The following ESYT1 variants were observed in gnomAD, a reference collection of about 807,000 sequenced individuals.
The protein encoded by ESYT1 is extended synaptotagmin 1.
ESYT1 carries 116 observed loss-of-function variants against 154.2 expected under a neutral mutation model. The observed-to-expected ratio is 0.75, with a 90% CI of 0.65 to 0.88. The LOEUF is 0.88. Among genes scored for constraint, ESYT1 ranks in the 40% least tolerant of loss-of-function variants. The probability of loss-of-function intolerance (pLI) is 0.00; values close to 1 mark genes in which losing one functional copy is unlikely to be tolerated. For synonymous variants in ESYT1, 500 were observed against 539.9 expected (o/e 0.93, Z 1.02); for missense variants, 1,264 against 1,379.3 (o/e 0.92, Z 1.32).
In ESYT1 at chr12:56,142,097, CAA is replaced by C. The variant is rs35837136; in HGVS notation, c.2593-175_2593-174del. Among the ~76,000 whole-genome samples, 25 of 122,276 alleles carry C rather than the reference CAA, an allele frequency of 2.0e-4. No individual in the cohort carries two copies. The highest frequency in any genetic ancestry group is 2.8e-4 in the Non-Finnish European group (16 of 57,276). The allele number at this position is 122,276 out of a possible 152,430, so 80.2% of individuals were successfully genotyped here. A position where few individuals can be genotyped will look rare whatever the true frequency, so the allele number is the denominator to read the frequency against. Reference sequence around the variant, plus strand: ...GGGCAACAAGAGCGAAACTCTGTCTCAAAAAAAAAAAAAAGGAAGGAAGGACA... The same window carrying C: ...GGGCAACAAGAGCGAAACTCTGTCTCAAAAAAAAAAAAGGAAGGAAGGACA... On this transcript the variant is annotated intron_variant, in intron 24 of 30. Transcript: ENST00000394048. The surrounding 1 kb of genome is among the most constrained non-coding windows in gnomAD (Gnocchi z 4.1).
At position 56,134,098 on chromosome 12, in the gene ESYT1, T is replaced by C. The variant is rs768730763; in HGVS notation, c.1474-12T>C. ...CCCCAAGATGGTGACCTCTGAATTG[T>C]ACCCACCACAGCTGAAGAAGGGGAA... On this transcript the variant is annotated splice_polypyrimidine_tract_variant and intron_variant, in intron 13 of 30. Coordinates refer to ENST00000394048, the MANE Select transcript of ESYT1 (RefSeq NM_015292.3). 2 of 1,613,938 alleles carry C rather than the reference T, an allele frequency of 1.2e-6. No homozygotes were observed. Among genetic ancestry groups the C allele is most frequent in the Admixed American group, 1.7e-5 (1 of 59,988 alleles).
At position 56,136,903 on chromosome 12, in the gene ESYT1, T is replaced by C. The variant is rs1213949797; in HGVS notation, c.1782+10T>C. 4 of 1,580,600 alleles carry C rather than the reference T, an allele frequency of 2.5e-6. No individual in the cohort carries two copies. Among genetic ancestry groups the C allele is most frequent in the African/African-American group, 2.7e-5 (2 of 73,708 alleles). On this transcript the variant is annotated intron_variant, in intron 16 of 30. Coordinates refer to ENST00000394048, the MANE Select transcript of ESYT1 (RefSeq NM_015292.3). The stretch of plus-strand genomic sequence containing the variant: ...GAAACTAGTCATGAGGGTATGGAAA[T>C]AGAGGAGGTACTGAGGTGTGGGGGA...
At position 56,144,604 on chromosome 12, in the gene ESYT1, C is replaced by T; in HGVS notation, c.*742C>T. On this transcript the variant is annotated 3_prime_UTR_variant, in exon 31 of 31. Transcript: ENST00000394048. ...GCTAACTCACTGACTAGAACTTAAT[C>T]TGGTACTTTACAGTTTTGCACCAAC... 3 of 985,464 alleles carry T rather than the reference C, an allele frequency of 3.0e-6. No homozygotes were observed. The highest frequency in any genetic ancestry group is 4.7e-5 in the South Asian group (1 of 21,290). The allele number at this position is 985,464 out of a possible 1,614,324, so 61.0% of individuals were successfully genotyped here.
chr12:56,138,386 C>T lies in ESYT1; in HGVS notation c.2338-18C>T. ...AGGTGTCAGTTACCACTCCCCAGCC[C>T]CGTGTGCCCCTCCACAGGTGCTGCA... is the stretch of plus-strand genomic sequence containing the variant. On this transcript the variant is annotated intron_variant, in intron 21 of 30. Transcript: ENST00000394048. The T allele has an allele frequency of 6.2e-7, 1 of 1,613,422 alleles. No individual in the cohort carries two copies. The highest frequency in any genetic ancestry group is 8.5e-7 in the Non-Finnish European group (1 of 1,179,594).
At position 56,137,867 on chromosome 12, in the gene ESYT1, G is replaced by A; in HGVS notation, c.2151G>A (p.Glu717=). The A allele has an allele frequency of 6.2e-7, 1 of 1,614,212 alleles. No homozygotes were observed. The highest frequency in any genetic ancestry group is 8.5e-7 in the Non-Finnish European group (1 of 1,180,034). The change falls in exon 19 of 31, where the codon GAG becomes GAA. Residue 717 remains glutamate, a synonymous_variant. Coordinates refer to ENST00000394048, the MANE Select transcript of ESYT1 (RefSeq NM_015292.3). ...IVTSVPGQEL[E]VEVFDKDLDK... is the part of the protein sequence containing the mutation. ...CATCAGTTCCAGGCCAAGAGCTAGA[G>A]GTTGAAGTCTTTGACAAGGACTTGG...
chr12:56,138,621 G>A, intron 22 of ESYT1, 122 bp downstream of exon 22: 2 of 1,286,980 alleles, frequency 1.6e-6, no homozygotes, highest in Non-Finnish European at 2.2e-6. Flanking sequence ...GGGTAGTGCA[G>A]GGGTGGGAAA....
Position 56,139,014 on chromosome 12 carries a change from G to A in ESYT1, c.2592+1G>A. On this transcript the variant is annotated splice_donor_variant, in intron 24 of 30. Transcript: ENST00000394048. LOFTEE classifies it high-confidence loss of function. ...ACACACTGAGAGCCTAGAGTTGCAG[G>A]TACTGTAAATTCATTCTTCAAATAT... 1 of 1,610,608 alleles carries A rather than the reference G, an allele frequency of 6.2e-7. No homozygotes were observed. Among genetic ancestry groups the A allele is most frequent in the Non-Finnish European group, 8.5e-7 (1 of 1,176,910 alleles).
chr12:56,130,268 C>T (rs1052917269), intron 1 of ESYT1: 5 of 456,808 alleles, frequency 1.1e-5, no homozygotes, highest in Non-Finnish European at 1.2e-5. Context: ...GACTGGACCT[C>T]CCCCTCCAGA....
rs763218653 is a variant in ESYT1, at chr12:56,136,841, A to G, written c.1730A>G (p.Gln577Arg). 3.7e-6 allele frequency: 6 copies of G among 1,612,548 alleles called. No homozygotes were observed. The highest frequency in any genetic ancestry group is 3.3e-4 in the Middle Eastern group (2 of 6,076). Reference sequence around the variant, plus strand: ...GAACTCATCCTGGACCAGTGGTTCCAGCTCAGCAGCTCTGGTCCAAACTCC... The same window carrying G: ...GAACTCATCCTGGACCAGTGGTTCCGGCTCAGCAGCTCTGGTCCAAACTCC... ...APELILDQWF[Q>R]LSSSGPNSRL... The change falls in exon 16 of 31, where the codon CAG becomes CGG. Residue 577 changes from glutamine (Q) to arginine (R), a missense_variant. Transcript: ENST00000394048.
At chr12:56,135,804 G>C (rs1221741895) in intron 15 of ESYT1, among the ~76,000 whole-genome samples, 1 of 151,390 alleles carries the variant, frequency 6.6e-6, no homozygotes, top group African/African-American at 2.4e-5. Context: ...AGGTAGAATT[G>C]CTTGAGTCCG....
chr12:56,129,882 C>G (rs1870160255), intron 1 of ESYT1, among the ~76,000 whole-genome samples: 1 of 152,132 alleles, frequency 6.6e-6, no homozygotes. Flanking sequence ...TCTAGAAGCC[C>G]CGTCTGAGGG....
Position 56,133,401 on chromosome 12 carries a change from C to T in ESYT1, c.1245-16C>T. On this transcript the variant is annotated splice_polypyrimidine_tract_variant and intron_variant, in intron 10 of 30. Coordinates refer to ENST00000394048, the MANE Select transcript of ESYT1 (RefSeq NM_015292.3). ...CTTTTCTTCCTTTCACTACCCTCTCCCCCGCCAACCCTCAGAATGAAGCTG... is the reference window on the plus strand; with the variant it reads ...CTTTTCTTCCTTTCACTACCCTCTCTCCCGCCAACCCTCAGAATGAAGCTG... The T allele has an allele frequency of 1.2e-6, 2 of 1,614,160 alleles. No homozygotes were observed. The highest frequency in any genetic ancestry group is 1.7e-6 in the Non-Finnish European group (2 of 1,180,026).
chr12:56,130,055 A>G (rs1870168469), intron 1 of ESYT1, among the ~76,000 whole-genome samples: 1 of 152,002 alleles, frequency 6.6e-6, no homozygotes, highest in South Asian at 2.1e-4. Context: ...CTGGGATTAC[A>G]GTCACGCGCC....
At chr12:56,129,348 T>C in intron 1 of ESYT1, 1 of 157,826 alleles carries the variant, frequency 6.3e-6, no homozygotes, top group South Asian at 1.7e-4. Flanking sequence ...CGGCGCACAC[T>C]CCCCCGCACT....
In ESYT1 at chr12:56,142,389, T is replaced by C. The variant is rs141601485; in HGVS notation, c.2697T>C (p.Ser899=). 1.1e-5 allele frequency: 18 copies of C among 1,613,890 alleles called. No homozygotes were observed. In the Middle Eastern group the frequency reaches 9.9e-4, roughly 89 times the overall value. Residue 899 remains serine (S), a synonymous_variant, in exon 25 of 31, where the codon AGT becomes AGC. Transcript: ENST00000394048. This position sits in a 1 kb window ranked among gnomAD's most constrained non-coding sequence, Gnocchi z 4.1. ...LCLDRWFTLS[S]GQGQVLLRAQ... ...TGGACCGCTGGTTTACACTCAGCAG[T>C]GGTCAGGGGCAGGTGCTACTGAGAG...
chr12:56,136,178 G>A (rs1870444921), intron 15 of ESYT1, among the ~76,000 whole-genome samples: 1 of 152,046 alleles, frequency 6.6e-6, no homozygotes, highest in East Asian at 1.9e-4. Context: ...ATAGGCTGGA[G>A]TAACTAGGGA....
chr12:56,141,659 G>A (rs1565876930), intron 24 of ESYT1, among the ~76,000 whole-genome samples: 1 of 152,230 alleles, frequency 6.6e-6, no homozygotes, highest in Admixed American at 6.5e-5. Flanking sequence ...AGAATGGCGT[G>A]AACCCAGGAG....
At chr12:56,132,184 C>T (rs1357054476) in intron 7 of ESYT1, 25 bp from the exon 8 acceptor site, 1 of 1,614,060 alleles carries the variant, frequency 6.2e-7, no homozygotes, top group East Asian at 2.2e-5. Flanking sequence ...AGGCCATACC[C>T]ACTCCTTTCT....
Position 56,134,136 on chromosome 12 carries a change from C to T in ESYT1, c.1500C>T (p.Asn500=). 6.2e-7 allele frequency: 1 copy of T among 1,614,112 alleles called. No individual in the cohort carries two copies. Among genetic ancestry groups the T allele is most frequent in the South Asian group, 1.1e-5 (1 of 91,082 alleles). The stretch of plus-strand genomic sequence containing the variant: ...TGAAGAAGGGGAACAAGGAACCCAA[C>T]CCTATGGTACAACTGTCAATTCAGG... ...LPLKKGNKEP[N]PMVQLSIQDV... Residue 500 remains asparagine (N), a synonymous_variant, in exon 14 of 31, where the codon AAC becomes AAT. Coordinates refer to ENST00000394048, the MANE Select transcript of ESYT1 (RefSeq NM_015292.3).
Sources: allele counts gnomAD v4.1 joint callset (sites outside exome capture counted in the v4.1 genomes callset), GRCh38; gene constraint gnomAD v4.1.1; non-coding constraint Gnocchi (gnomAD v3.1); transcripts MANE v1.5; gene names NCBI Gene and HGNC (gene_info 2026-07-23, HGNC 2026-07-21).